P3H2: variants seen among roughly 807,000 people sequenced by gnomAD.
P3H2 encodes prolyl 3-hydroxylase 2.
In P3H2, 80 loss-of-function variants were observed where a neutral mutation model predicts 87.0. The observed-to-expected ratio is 0.92, with a 90% CI of 0.77 to 1.11. P3H2 has a LOEUF of 1.11. Among genes scored for constraint, P3H2 ranks in the 50% least tolerant of loss-of-function variants. P3H2 has a pLI of 0.00. For synonymous variants in P3H2, 367 were observed against 359.3 expected, an observed-to-expected ratio of 1.02 and a Z score of -0.24; for missense variants, 1,001 against 923.9, an observed-to-expected ratio of 1.08 and a Z score of -1.08.
chr3:189,967,594 C>A (rs1323813171), intron 13 of P3H2, among the ~76,000 whole-genome samples: 1 of 151,620 alleles, frequency 6.6e-6, no homozygotes, highest in East Asian at 1.9e-4. Flanking sequence ...CTCAAGCTTT[C>A]CCAGAAGTGC....
chr3:189,986,184 C>T (rs906959653), intron 6 of P3H2, among the ~76,000 whole-genome samples: 1 of 152,084 alleles, frequency 6.6e-6, no homozygotes, highest in Non-Finnish European at 1.5e-5. Context: ...AAAACACTCC[C>T]GGGGCAAATG....
Position 189,994,169 on chromosome 3 carries a change from G to C in P3H2, c.748C>G (p.Leu250Val). ...TCAAATCTCTGAGGCCCCTCACATA[G>C]GGTCCGGCATTCTGTATCTTCAACG... ...YFVEDTECRT[L>V]CEGPQRFEEY... The change falls in exon 3 of 15, where the codon CTA (leucine) becomes GTA (valine). Residue 250 changes from leucine (L) to valine (V), a missense_variant. By Grantham distance (32) the Leu-to-Val change is conservative. Transcript: ENST00000319332. 6.2e-7 allele frequency: 1 copy of C among 1,613,600 alleles called. No homozygotes were observed. The highest frequency in any genetic ancestry group is 8.5e-7 in the Non-Finnish European group (1 of 1,179,784).
intron 1 of P3H2, among the ~76,000 whole-genome samples, chr3:190,051,828 C>T (rs76782359): frequency 0.015 from 2,296 of 152,214 alleles, 59 homozygotes; most frequent in African/African-American, 0.053. Flanking sequence ...GCATTTCAGC[C>T]AAGGGAGGCA....
At chr3:190,039,752 A>C (rs1725542615) in intron 1 of P3H2, among the ~76,000 whole-genome samples, 1 of 152,206 alleles carries the variant, frequency 6.6e-6, no homozygotes, top group Non-Finnish European at 1.5e-5. Flanking sequence ...AGGAAGGAGG[A>C]ATCAGTATGA....
intron 1 of P3H2, among the ~76,000 whole-genome samples, chr3:190,057,099 T>C (rs1254567582): frequency 6.6e-6 from 1 of 152,152 alleles, no homozygotes; most frequent in Non-Finnish European, 1.5e-5. Context: ...GAAAAGGGGA[T>C]GTCTGTATTA....
At chr3:190,077,080 A>G (rs1726897281) in intron 1 of P3H2, among the ~76,000 whole-genome samples, 1 of 152,208 alleles carries the variant, frequency 6.6e-6, no homozygotes, top group Non-Finnish European at 1.5e-5. Context: ...AAAAAGAGGT[A>G]GAAAAACTTT....
At chr3:190,045,968 C>CA (rs1455051806) in intron 1 of P3H2, among the ~76,000 whole-genome samples, 13 of 151,924 alleles carry the variant, frequency 8.6e-5, no homozygotes, top group Admixed American at 7.9e-4. Flanking sequence ...AATAAAAATA[C>CA]AAAAATTAGC....
chr3:189,977,967 G>C (rs947968638), intron 8 of P3H2, among the ~76,000 whole-genome samples: 1 of 152,132 alleles, frequency 6.6e-6, no homozygotes, highest in Non-Finnish European at 1.5e-5. Context: ...ATTTGGAAAA[G>C]GCTGTTCTAA....
At chr3:189,974,345 A>T (rs1320029802) in intron 9 of P3H2, among the ~76,000 whole-genome samples, 3 of 152,230 alleles carry the variant, frequency 2.0e-5, no homozygotes, top group Non-Finnish European at 2.9e-5. Context: ...GCTAGGAAAT[A>T]TGCCAGTAGC....
intron 1 of P3H2, among the ~76,000 whole-genome samples, chr3:190,098,404 C>T (rs571580787): frequency 1.3e-5 from 2 of 152,150 alleles, no homozygotes; most frequent in South Asian, 4.2e-4. Context: ...GAGATGAGGT[C>T]TGAAAGTGAC....
chr3:190,105,156 C>A (rs561185959), intron 1 of P3H2, among the ~76,000 whole-genome samples: 2 of 152,192 alleles, frequency 1.3e-5, no homozygotes, highest in South Asian at 2.1e-4. Flanking sequence ...GGTGCTTGCA[C>A]CTTAAATACA....
intron 12 of P3H2, chr3:189,971,662 C>G: frequency 1.9e-6 from 1 of 514,710 alleles, no homozygotes; most frequent in East Asian, 3.6e-5. Context: ...CATATTAAAA[C>G]AAAATGGACA....
intron 1 of P3H2, among the ~76,000 whole-genome samples, chr3:190,103,267 T>C (rs1711701507): frequency 6.6e-6 from 1 of 152,186 alleles, no homozygotes; most frequent in Non-Finnish European, 1.5e-5. Context: ...AAGCATGAGT[T>C]TCCATCACGT....
At chr3:190,091,411 C>A (rs1727403537) in intron 1 of P3H2, among the ~76,000 whole-genome samples, 1 of 152,236 alleles carries the variant, frequency 6.6e-6, no homozygotes, top group South Asian at 2.1e-4. Context: ...CTTTACACTT[C>A]TGCATAATTC....
intron 1 of P3H2, among the ~76,000 whole-genome samples, chr3:190,080,933 C>CA (rs1727023012): frequency 6.6e-6 from 1 of 152,160 alleles, no homozygotes; most frequent in Non-Finnish European, 1.5e-5. Context: ...CTGTCACAGA[C>CA]AATAATTTAC....
chr3:190,082,604 C>T (rs1727078619), intron 1 of P3H2, among the ~76,000 whole-genome samples: 2 of 152,160 alleles, frequency 1.3e-5, no homozygotes, highest in South Asian at 2.1e-4. Context: ...CTGAAATATA[C>T]AATACATTAT....
intron 1 of P3H2, among the ~76,000 whole-genome samples, chr3:190,093,110 T>C (rs546171913): frequency 2.0e-5 from 3 of 152,294 alleles, no homozygotes; most frequent in Admixed American, 1.3e-4. Context: ...GAAGTAGAAA[T>C]AATTCTGACA....
intron 10 of P3H2, 31 bp from the exon 11 acceptor site, chr3:189,973,055 A>G: frequency 6.2e-7 from 1 of 1,606,700 alleles, no homozygotes; most frequent in Non-Finnish European, 8.5e-7. Context: ...ATGAGAAACA[A>G]ATGGGTTCAT....
intron 1 of P3H2, among the ~76,000 whole-genome samples, chr3:190,088,596 G>T (rs563534803): frequency 2.6e-5 from 4 of 152,072 alleles, no homozygotes; most frequent in African/African-American, 9.6e-5. Context: ...GAATTATTAG[G>T]GTCAAAATTA....
Sources: gnomAD v4.1 joint callset for allele counts (sites outside exome capture counted in the v4.1 genomes callset) on GRCh38, gnomAD v4.1.1 for gene constraint, MANE v1.5 for transcripts, NCBI Gene and HGNC (gene_info 2026-07-23, HGNC 2026-07-21) for gene names.